Variants in EML6 observed in about 807,000 individuals in gnomAD.
EML6 encodes EMAP like 6, also known as echinoderm microtubule-associated protein-like 6.
Under a neutral mutation model 240.1 loss-of-function variants are expected in EML6, and 154 were observed. The observed-to-expected ratio is 0.64, with a 90% CI of 0.56 to 0.73. The LOEUF is 0.73. Among genes scored for constraint, EML6 ranks in the 30% least tolerant of loss-of-function variants. The probability of loss-of-function intolerance (pLI) is 0.00; values close to 1 mark genes in which losing one functional copy is unlikely to be tolerated. For missense variants in EML6, 2,964 were observed against 2,474.6 expected (o/e 1.20, Z -4.20); for synonymous variants, 1,148 against 899.0 (o/e 1.28, Z -4.95).
intron 2 of EML6, among the ~76,000 whole-genome samples, chr2:54,760,469 A>G (rs1667927371): frequency 6.6e-6 from 1 of 152,088 alleles, no homozygotes; most frequent in African/African-American, 2.4e-5. Flanking sequence ...CACACATGGG[A>G]GAGTGGCCCT....
chr2:54,872,599 AC>A (rs1272829554), intron 16 of EML6, among the ~76,000 whole-genome samples: 2 of 152,108 alleles, frequency 1.3e-5, no homozygotes, highest in Non-Finnish European at 2.9e-5. Context: ...TGGTTGGCTG[AC>A]TCATTGTGGA....
intron 18 of EML6, among the ~76,000 whole-genome samples, chr2:54,891,519 T>C (rs550391317): frequency 2.6e-4 from 40 of 152,364 alleles, no homozygotes; most frequent in African/African-American, 9.4e-4. Context: ...TTTATTTATC[T>C]ATTACTGAAT....
At chr2:54,951,209 A>G (rs937539811) in intron 30 of EML6, among the ~76,000 whole-genome samples, 2 of 152,192 alleles carry the variant, frequency 1.3e-5, no homozygotes, top group Admixed American at 6.5e-5. Flanking sequence ...AGCCACATTT[A>G]TAATGAGAAT....
At chr2:54,801,406 G>C (rs577175437) in intron 2 of EML6, among the ~76,000 whole-genome samples, 1 of 152,282 alleles carries the variant, frequency 6.6e-6, no homozygotes, top group Non-Finnish European at 1.5e-5. Context: ...AAGTGGGCTG[G>C]GTCAGCCTTG....
chr2:54,845,842 G>A (rs1669721423), intron 8 of EML6, among the ~76,000 whole-genome samples: 1 of 152,184 alleles, frequency 6.6e-6, no homozygotes, highest in African/African-American at 2.4e-5. Context: ...AAACCGTGCT[G>A]CATGTGACTT....
chr2:54,829,043 T>C (rs1668733962), intron 6 of EML6, among the ~76,000 whole-genome samples: 1 of 152,366 alleles, frequency 6.6e-6, no homozygotes, highest in East Asian at 1.9e-4. Flanking sequence ...TCACATAAAA[T>C]AATTTGATTC....
chr2:54,959,780 T>TA (rs964451554), intron 34 of EML6, among the ~76,000 whole-genome samples: 50 of 151,906 alleles, frequency 3.3e-4, no homozygotes, highest in African/African-American at 1.0e-3. Flanking sequence ...ATTAATAAAT[T>TA]AAAAGAAAAT....
intron 16 of EML6, among the ~76,000 whole-genome samples, chr2:54,873,350 T>C (rs1671351906): frequency 6.6e-6 from 1 of 152,182 alleles, no homozygotes; most frequent in Non-Finnish European, 1.5e-5. Flanking sequence ...ACTGGTGACA[T>C]GTGAGGTAGG....
At chr2:54,902,092 G>A (rs1673086298) in intron 22 of EML6, among the ~76,000 whole-genome samples, 1 of 152,064 alleles carries the variant, frequency 6.6e-6, no homozygotes. Context: ...TACAATCCGT[G>A]GATCAGAGAA....
chr2:54,860,847 G>A lies in EML6; in HGVS notation c.1825+1146G>A, dbSNP rs923171424. Among the ~76,000 whole-genome samples, 36 of 152,270 alleles carry A rather than the reference G, an allele frequency of 2.4e-4. 1 individual carries two copies. The highest frequency in any genetic ancestry group is 8.7e-4 in the African/African-American group (36 of 41,562). On this transcript the variant is annotated intron_variant, in intron 12 of 41. Coordinates refer to ENST00000356458, the MANE Select transcript of EML6 (RefSeq NM_001039753.4). ...CCAGATGGGGTTTATGCCATGTGTT[G>A]AATGCCCAACTTTTACAGCTACCTC...
At chr2:54,934,215 A>G (rs1322445474) in intron 28 of EML6, among the ~76,000 whole-genome samples, 2 of 152,208 alleles carry the variant, frequency 1.3e-5, no homozygotes. Context: ...TAAAAGTAGG[A>G]AGTAACATAA....
chr2:54,961,643 C>T (rs951780915), intron 35 of EML6, among the ~76,000 whole-genome samples: 1 of 151,976 alleles, frequency 6.6e-6, no homozygotes, highest in Non-Finnish European at 1.5e-5. Context: ...CCTGAGGTAG[C>T]TGATGGAGAA....
At chr2:54,766,386 C>G (rs1668188929) in intron 2 of EML6, among the ~76,000 whole-genome samples, 1 of 152,114 alleles carries the variant, frequency 6.6e-6, no homozygotes, top group African/African-American at 2.4e-5. Flanking sequence ...AACCTTGATA[C>G]TTCTGAAGAA....
chr2:54,739,617 A>G (rs72913562), intron 2 of EML6, among the ~76,000 whole-genome samples: 4,639 of 152,268 alleles, frequency 0.03, 216 homozygotes, highest in African/African-American at 0.097. Flanking sequence ...TCTCCTCTCA[A>G]TGAACTTGCA....
intron 26 of EML6, among the ~76,000 whole-genome samples, chr2:54,925,203 G>A (rs4671997): frequency 0.07 from 10,613 of 152,166 alleles, 649 homozygotes; most frequent in South Asian, 0.21. Flanking sequence ...CACACCGCCC[G>A]CTCTTCCTGT....
intron 13 of EML6, among the ~76,000 whole-genome samples, chr2:54,864,973 C>G (rs976043805): frequency 2.3e-4 from 35 of 152,160 alleles, no homozygotes; most frequent in Admixed American, 1.1e-3. Context: ...TGCAATATGA[C>G]TACTAAAAAG....
At chr2:54,860,616 G>GC (rs1670623462) in intron 12 of EML6, among the ~76,000 whole-genome samples, 1 of 152,268 alleles carries the variant, frequency 6.6e-6, no homozygotes, top group African/African-American at 2.4e-5. Flanking sequence ...CACACATTGA[G>GC]CTCCCCAACT....
chr2:54,778,547 A>G (rs1668697905), intron 2 of EML6, among the ~76,000 whole-genome samples: 1 of 152,122 alleles, frequency 6.6e-6, no homozygotes, highest in Non-Finnish European at 1.5e-5. Context: ...TTTGGGTCCC[A>G]TGTATTTCTT....
chr2:54,895,616 A>G (rs1052582457), intron 21 of EML6, among the ~76,000 whole-genome samples: 1 of 152,242 alleles, frequency 6.6e-6, no homozygotes, highest in Non-Finnish European at 1.5e-5. Context: ...TGGATCAGGA[A>G]TCTGAGCACA....
Sources: gnomAD v4.1 joint callset for allele counts (sites outside exome capture counted in the v4.1 genomes callset) on GRCh38, gnomAD v4.1.1 for gene constraint, MANE v1.5 for transcripts, NCBI Gene and HGNC (gene_info 2026-07-23, HGNC 2026-07-21) for gene names.